The following AFF4 variants were observed in gnomAD, a reference collection of about 807,000 sequenced individuals.
AFF4 encodes ALF transcription elongation factor 4.
Under a neutral mutation model 124.8 loss-of-function variants are expected in AFF4, and 13 were observed. That is an observed-to-expected ratio of 0.10 (90% CI 0.07 to 0.17). The LOEUF (loss-of-function observed/expected upper bound fraction) is 0.17. AFF4 is among the 10% of genes least tolerant of loss of function. The probability of loss-of-function intolerance (pLI) is 1.00; values close to 1 mark genes in which losing one functional copy is unlikely to be tolerated. For synonymous variants in AFF4, 477 were observed against 496.1 expected (o/e 0.96, Z 0.51); for missense variants, 1,092 against 1,403.8 (o/e 0.78, Z 3.55).
intron 5 of AFF4, among the ~76,000 whole-genome samples, chr5:132,915,031 A>C (rs1760876150): frequency 6.6e-6 from 1 of 151,970 alleles, no homozygotes; most frequent in Non-Finnish European, 1.5e-5. Flanking sequence ...AATTCTAACA[A>C]ACACTTAAAA....
chr5:132,894,008 T>C (rs561293950), intron 11 of AFF4, among the ~76,000 whole-genome samples: 1 of 152,346 alleles, frequency 6.6e-6, no homozygotes, highest in Admixed American at 6.5e-5. Context: ...GGATTAGTAC[T>C]GCATTCTCAT....
At chr5:132,888,076 G>T (rs1312241922) in intron 15 of AFF4, 21 bp downstream of exon 15, 1 of 1,608,332 alleles carries the variant, frequency 6.2e-7, no homozygotes, top group Non-Finnish European at 8.5e-7. Context: ...ATACGTAAGT[G>T]TAAGGAGAAT....
Position 132,934,807 on chromosome 5 carries a change from T to C in AFF4, c.258A>G (p.Ala86=), listed in dbSNP as rs1761388232. ...AIPKPTVPPS[A]DEKSNPNFFE... is the part of the protein sequence containing the mutation. ...AGAAATTTGGGTTAGATTTTTCATCTGCTGATGGTGGTACTGTAGGCTTGG... is the reference window on the plus strand; with the variant it reads ...AGAAATTTGGGTTAGATTTTTCATCCGCTGATGGTGGTACTGTAGGCTTGG... Residue 86 remains alanine (A), a synonymous_variant, in exon 3 of 21, where the codon GCA becomes GCG. Coordinates refer to ENST00000265343, the MANE Select transcript of AFF4 (RefSeq NM_014423.4). 6.2e-7 allele frequency: 1 copy of C among 1,614,202 alleles called. No homozygotes were observed. Among genetic ancestry groups the C allele is most frequent in the East Asian group, 2.2e-5 (1 of 44,884 alleles).
At chr5:132,945,722 A>C (rs1359728770) in intron 1 of AFF4, among the ~76,000 whole-genome samples, 1 of 152,028 alleles carries the variant, frequency 6.6e-6, no homozygotes, top group African/African-American at 2.4e-5. Flanking sequence ...ACTGCACTGC[A>C]CTCCAGCCTG....
chr5:132,911,027 C>T (rs1224811287), intron 5 of AFF4, among the ~76,000 whole-genome samples: 1 of 152,166 alleles, frequency 6.6e-6, no homozygotes, highest in Non-Finnish European at 1.5e-5. Flanking sequence ...TAGTGGTGTT[C>T]TATTCTAAAG....
intron 5 of AFF4, among the ~76,000 whole-genome samples, chr5:132,910,567 G>A (rs1362830645): frequency 1.3e-5 from 2 of 152,154 alleles, no homozygotes; most frequent in African/African-American, 2.4e-5. Flanking sequence ...GTATCACACA[G>A]AGCTTTTAGG....
chr5:132,898,100 G>A (rs751353060), intron 10 of AFF4, 130 bp downstream of exon 10: 131 of 1,199,424 alleles, frequency 1.1e-4, no homozygotes, highest in Non-Finnish European at 1.5e-4. Flanking sequence ...AACGTACACA[G>A]TACAATTTCT....
At chr5:132,902,939 A>T (rs1425947728) in intron 6 of AFF4, among the ~76,000 whole-genome samples, 1 of 152,258 alleles carries the variant, frequency 6.6e-6, no homozygotes, top group Non-Finnish European at 1.5e-5. Flanking sequence ...TTTTCATATT[A>T]TAACATAATT....
chr5:132,952,740 C>CA (rs930483753), intron 1 of AFF4, among the ~76,000 whole-genome samples: 6 of 151,572 alleles, frequency 4.0e-5, no homozygotes, highest in African/African-American at 1.2e-4. Context: ...CTAAAAATAA[C>CA]AAAAAAAATT....
Position 132,881,118 on chromosome 5 carries a change from C to T in AFF4, c.3433G>A (p.Val1145Ile). Residue 1145 changes from valine to isoleucine, a missense_variant, in exon 21 of 21, where the codon GTT becomes ATT. Physicochemically the swap from Val to Ile is conservative, Grantham distance 29 (BLOSUM62 3). Coordinates refer to ENST00000265343, the MANE Select transcript of AFF4 (RefSeq NM_014423.4). ...TGCAGTCCCTGCCGGGTATAACGAA[C>T]TAGATCTGTCATGATGCTTGCATTA... Reference protein sequence around the residue: ...IFNASIMTDLVRYTRQGLHWL... With the variant: ...IFNASIMTDLIRYTRQGLHWL... The T allele has an allele frequency of 6.2e-7, 1 of 1,614,212 alleles. No homozygotes were observed. Among genetic ancestry groups the T allele is most frequent in the South Asian group, 1.1e-5 (1 of 91,090 alleles).
At chr5:132,933,158 G>C (rs563649416) in intron 3 of AFF4, among the ~76,000 whole-genome samples, 1 of 152,128 alleles carries the variant, frequency 6.6e-6, no homozygotes, top group Non-Finnish European at 1.5e-5. Context: ...AGCACTTTGC[G>C]AGGCCGAGGC....
intron 1 of AFF4, among the ~76,000 whole-genome samples, chr5:132,952,837 G>A (rs1235652561): frequency 5.9e-5 from 9 of 152,138 alleles, no homozygotes; most frequent in Non-Finnish European, 8.8e-5. Context: ...GGCAGAGGTT[G>A]CAATGAGCCA....
rs951330794 is a variant in AFF4 at position 132,882,371 on chromosome 5, T to C, written c.3364+969A>G. On this transcript the variant is annotated intron_variant, in intron 20 of 20. Coordinates refer to ENST00000265343, the MANE Select transcript of AFF4 (RefSeq NM_014423.4). ...TGACACTTGATTGGCTAATGTAGTG[T>C]TTCTCTGTAAAGGATCTGCCTAAAG... Among the ~76,000 whole-genome samples the C allele has an allele frequency of 2.0e-5, 3 of 152,232 alleles. No homozygotes were observed. In the East Asian group the frequency reaches 5.8e-4, roughly 29 times the overall value.
chr5:132,904,278 TA>T (rs1760620731), intron 6 of AFF4, 89 bp downstream of exon 6: 1 of 1,103,242 alleles, frequency 9.1e-7, no homozygotes, highest in African/African-American at 1.6e-5. Context: ...CATGTAAAGG[TA>T]TTACTAAAGT....
chr5:132,888,288 T>G, intron 14 of AFF4, 128 bp from the exon 15 acceptor site: 2 of 696,452 alleles, frequency 2.9e-6, no homozygotes, highest in Non-Finnish European at 4.6e-6. Flanking sequence ...TAAGAATTTG[T>G]TTCAGTATTT....
intron 1 of AFF4, among the ~76,000 whole-genome samples, chr5:132,958,905 A>G (rs1762019315): frequency 6.6e-6 from 1 of 152,180 alleles, no homozygotes; most frequent in Admixed American, 6.6e-5. Flanking sequence ...CAGTCTATTC[A>G]TGTCAGTCCC....
At chr5:132,904,923 C>T (rs752854354) in intron 5 of AFF4, among the ~76,000 whole-genome samples, 1 of 151,914 alleles carries the variant, frequency 6.6e-6, no homozygotes, top group Non-Finnish European at 1.5e-5. Flanking sequence ...GTGGCGTGCA[C>T]CTGTAGTCCC....
intron 1 of AFF4, among the ~76,000 whole-genome samples, chr5:132,957,587 G>A (rs1761991827): frequency 6.6e-6 from 1 of 151,988 alleles, no homozygotes; most frequent in South Asian, 2.1e-4. Context: ...ACAAAAATTG[G>A]CTGGGCATGG....
At chr5:132,932,496 T>C (rs757050026) in intron 3 of AFF4, among the ~76,000 whole-genome samples, 5 of 152,232 alleles carry the variant, frequency 3.3e-5, no homozygotes, top group Non-Finnish European at 7.3e-5. Flanking sequence ...TTTTAGAATG[T>C]AATTTTTCAG....
Sources: gnomAD v4.1 joint callset for allele counts (sites outside exome capture counted in the v4.1 genomes callset) on GRCh38, gnomAD v4.1.1 for gene constraint, MANE v1.5 for transcripts, NCBI Gene and HGNC (gene_info 2026-07-23, HGNC 2026-07-21) for gene names.